Variants in TNR observed in about 807,000 individuals in gnomAD.
TNR encodes the protein tenascin-R.
TNR carries 45 observed loss-of-function variants against 150.4 expected under a neutral mutation model. That is an observed-to-expected ratio of 0.30 (90% confidence interval 0.24 to 0.38). The LOEUF is 0.38. TNR is among the 10% of genes least tolerant of loss of function. The pLI is 1.00. For synonymous variants in TNR, 687 were observed against 678.4 expected (o/e 1.01, Z -0.20); for missense variants, 1,544 against 1,759.1 (o/e 0.88, Z 2.19).
intron 1 of TNR, among the ~76,000 whole-genome samples, chr1:175,543,461 C>T (rs922612364): frequency 2.0e-5 from 3 of 152,064 alleles, no homozygotes; most frequent in African/African-American, 7.2e-5. Flanking sequence ...GACCTAGAGC[C>T]AGAGAGCAGC....
intron 8 of TNR, among the ~76,000 whole-genome samples, chr1:175,383,145 C>A (rs911189116): frequency 6.6e-6 from 1 of 152,142 alleles, no homozygotes; most frequent in African/African-American, 2.4e-5. Context: ...CAAATTTCCC[C>A]TTTCTATAAG....
chr1:175,637,643 T>C (rs1664527162), intron 1 of TNR, among the ~76,000 whole-genome samples: 1 of 152,192 alleles, frequency 6.6e-6, no homozygotes, highest in Non-Finnish European at 1.5e-5. Flanking sequence ...CATGATAGGT[T>C]CATCTTAAGG....
At chr1:175,718,723 G>A (rs1007860063) in intron 1 of TNR, among the ~76,000 whole-genome samples, 2 of 152,192 alleles carry the variant, frequency 1.3e-5, no homozygotes, top group African/African-American at 2.4e-5. Flanking sequence ...GAAGGGCTTG[G>A]GAGATCTGTC....
chr1:175,380,182 C>G (rs1652605196), intron 8 of TNR, among the ~76,000 whole-genome samples: 1 of 152,160 alleles, frequency 6.6e-6, no homozygotes, highest in African/African-American at 2.4e-5. Flanking sequence ...GTGCCTTCCT[C>G]TGTGTTTACT....
chr1:175,431,783 A>T (rs908136180), intron 2 of TNR, among the ~76,000 whole-genome samples: 1 of 152,134 alleles, frequency 6.6e-6, no homozygotes, highest in African/African-American at 2.4e-5. Flanking sequence ...ATGAAAACAG[A>T]TGCTTGTGAA....
intron 2 of TNR, among the ~76,000 whole-genome samples, chr1:175,457,937 G>T (rs1002168455): frequency 3.9e-5 from 6 of 152,224 alleles, no homozygotes; most frequent in African/African-American, 1.4e-4. Context: ...CAGAGTTGTT[G>T]TTTAAACTCA....
At chr1:175,347,213 T>C (rs1650836417) in intron 18 of TNR, among the ~76,000 whole-genome samples, 1 of 152,124 alleles carries the variant, frequency 6.6e-6, no homozygotes, top group South Asian at 2.1e-4. Context: ...AGTCATATAA[T>C]AAATTAAATA....
At chr1:175,356,737 T>C (rs1328257106) in intron 15 of TNR, among the ~76,000 whole-genome samples, 1 of 152,206 alleles carries the variant, frequency 6.6e-6, no homozygotes, top group East Asian at 1.9e-4. Flanking sequence ...ATCTAGTCTT[T>C]TGTGTACATG....
chr1:175,461,472 C>T (rs923834084), intron 2 of TNR, among the ~76,000 whole-genome samples: 2 of 152,184 alleles, frequency 1.3e-5, no homozygotes, highest in African/African-American at 4.8e-5. Context: ...ACATTAATGT[C>T]AGCACTGAAT....
chr1:175,691,244 T>G (rs1666361932), intron 1 of TNR, among the ~76,000 whole-genome samples: 1 of 120,384 alleles, frequency 8.3e-6, no homozygotes, highest in Non-Finnish European at 1.8e-5. Flanking sequence ...GAAGAAAACC[T>G]AGAGAAAGTG....
intron 5 of TNR, among the ~76,000 whole-genome samples, chr1:175,394,292 G>T (rs887268315): frequency 6.6e-6 from 1 of 152,072 alleles, no homozygotes; most frequent in East Asian, 1.9e-4. Context: ...CAGGACTCCC[G>T]GGAGGTACTA....
intron 2 of TNR, among the ~76,000 whole-genome samples, chr1:175,455,151 G>A (rs964616583): frequency 6.6e-6 from 1 of 152,204 alleles, no homozygotes; most frequent in Non-Finnish European, 1.5e-5. Context: ...GCATGAAGAA[G>A]CCATCCTGGA....
At chr1:175,534,381 C>T (rs1660188551) in intron 1 of TNR, among the ~76,000 whole-genome samples, 1 of 152,218 alleles carries the variant, frequency 6.6e-6, no homozygotes. Context: ...TACCTTCTCA[C>T]CTCAGAGAGA....
At chr1:175,439,959 C>T (rs1380400128) in intron 2 of TNR, among the ~76,000 whole-genome samples, 2 of 152,176 alleles carry the variant, frequency 1.3e-5, no homozygotes, top group African/African-American at 2.4e-5. Flanking sequence ...TTGTGGAAGA[C>T]AGTGTGGTGA....
intron 1 of TNR, among the ~76,000 whole-genome samples, chr1:175,589,053 ATAGT>A (rs533387404): frequency 3.3e-5 from 5 of 152,086 alleles, no homozygotes; most frequent in Non-Finnish European, 4.4e-5. Context: ...ATTTGCTCTA[ATAGT>A]TAGTCTCTTA....
chr1:175,623,916 G>GGGCTGTT (rs1258667865), intron 1 of TNR, among the ~76,000 whole-genome samples: 2 of 152,222 alleles, frequency 1.3e-5, no homozygotes, highest in Non-Finnish European at 2.9e-5. Flanking sequence ...ACAAGTCAAG[G>GGGCTGTT]GGCTGTTTCC....
intron 1 of TNR, among the ~76,000 whole-genome samples, chr1:175,591,289 C>G (rs1662788643): frequency 6.6e-6 from 1 of 152,180 alleles, no homozygotes; most frequent in Admixed American, 6.5e-5. Flanking sequence ...ATAATCCCAA[C>G]TGACTCTCCT....
chr1:175,491,362 C>G (rs537198683), intron 2 of TNR, among the ~76,000 whole-genome samples: 57 of 152,104 alleles, frequency 3.7e-4, no homozygotes, highest in Admixed American at 7.2e-4. Context: ...AACACATGTA[C>G]CCCTGAACTT....
At chr1:175,710,945 C>T (rs1221955547) in intron 1 of TNR, among the ~76,000 whole-genome samples, 1 of 152,100 alleles carries the variant, frequency 6.6e-6, no homozygotes. Flanking sequence ...CTGTCCTCTA[C>T]CTGTTCTGTG....
Sources: allele counts gnomAD v4.1 joint callset (sites outside exome capture counted in the v4.1 genomes callset), GRCh38; gene constraint gnomAD v4.1.1; transcripts MANE v1.5; gene names NCBI Gene and HGNC (gene_info 2026-07-23, HGNC 2026-07-21).